Variants in RARB observed in about 807,000 individuals in gnomAD.
The protein encoded by RARB is HBV-activated protein.
RARB carries 17 observed loss-of-function variants against 51.9 expected under a neutral mutation model. The ratio of observed to expected loss-of-function variants is 0.33; its 90% CI spans 0.22 to 0.49. The LOEUF (loss-of-function observed/expected upper bound fraction) is 0.49, where lower values mean the gene tolerates loss of function less well. Among genes scored for constraint, RARB ranks in the 20% least tolerant of loss-of-function variants. The probability of loss-of-function intolerance (pLI) is 0.99; values close to 1 mark genes in which losing one functional copy is unlikely to be tolerated. For synonymous variants in RARB, 215 were observed against 195.4 expected (o/e 1.10, Z -0.84); for missense variants, 369 against 550.8 (o/e 0.67, Z 3.30).
In RARB at chr3:25,457,604, G is replaced by A. The variant is rs182497963; in HGVS notation, c.158-3589G>A. Among the ~76,000 whole-genome samples, 108 of 152,304 alleles carry A rather than the reference G, an allele frequency of 7.1e-4. 1 individual carries two copies. The highest frequency in any genetic ancestry group is 1.4e-3 in the Non-Finnish European group (97 of 68,032). ...AATGCTTTGGGATCTTTAATGTCCA[G>A]TAGACTTCCCGTTTTTTGTGTGCTT... On this transcript the variant is annotated intron_variant, in intron 1 of 7. Coordinates refer to ENST00000330688, the MANE Select transcript of RARB (RefSeq NM_000965.5).
intron 5 of RARB, among the ~76,000 whole-genome samples, chr3:25,213,928 A>G (rs1263615750): frequency 6.6e-6 from 1 of 152,220 alleles, no homozygotes; most frequent in South Asian, 2.1e-4. Flanking sequence ...TTATGAATGA[A>G]TATAGATTTT....
At chr3:25,177,183 AAT>A (rs1479582972) in intron 5 of RARB, among the ~76,000 whole-genome samples, 1 of 152,236 alleles carries the variant, frequency 6.6e-6, no homozygotes, top group East Asian at 1.9e-4. Flanking sequence ...AGCCACAATG[AAT>A]ATGACTCTGT....
At chr3:25,034,250 C>T (rs2125291514) in intron 2 of RARB, among the ~76,000 whole-genome samples, 1 of 152,260 alleles carries the variant, frequency 6.6e-6, no homozygotes, top group South Asian at 2.1e-4. Context: ...GTGGAGTTTG[C>T]AGTGAGTCAA....
At chr3:25,117,362 C>T (rs1699706066) in intron 3 of RARB, among the ~76,000 whole-genome samples, 1 of 152,148 alleles carries the variant, frequency 6.6e-6, no homozygotes, top group South Asian at 2.1e-4. Flanking sequence ...AGGAGCATGG[C>T]ACAAGAGGTT....
chr3:25,250,750 C>G (rs1601163), intron 5 of RARB, among the ~76,000 whole-genome samples: 2 of 151,618 alleles, frequency 1.3e-5, no homozygotes, highest in South Asian at 2.1e-4. Flanking sequence ...TAGGACTTGG[C>G]GGCTGTATGG....
intron 2 of RARB, among the ~76,000 whole-genome samples, chr3:25,490,852 CAG>C (rs1696697931): frequency 6.6e-6 from 1 of 152,106 alleles, no homozygotes; most frequent in Non-Finnish European, 1.5e-5. Flanking sequence ...ATTTAGAAAA[CAG>C]ATGTCTTTAG....
chr3:25,276,145 A>G (rs1703378364), intron 5 of RARB, among the ~76,000 whole-genome samples: 1 of 152,232 alleles, frequency 6.6e-6, no homozygotes, highest in African/African-American at 2.4e-5. Flanking sequence ...AAGCCTTAGA[A>G]TATGTGTGAA....
intron 5 of RARB, among the ~76,000 whole-genome samples, chr3:25,224,183 A>G (rs1026460431): frequency 1.3e-5 from 2 of 152,234 alleles, no homozygotes; most frequent in African/African-American, 4.8e-5. Flanking sequence ...ATAATTTTTA[A>G]TAGCCTATTA....
At position 25,368,999 on chromosome 3, in the gene RARB, G is replaced by A. The variant is rs73156077; in HGVS notation, c.179-92194G>A. ...AAATTACATATTTCAAATACTAGTG[G>A]CATTTTCTGTATAGGATATGTGAAA... On this transcript the variant is annotated intron_variant, in intron 5 of 11. Transcript: ENST00000383772. Among the ~76,000 whole-genome samples, 950 of 152,182 alleles carry A rather than the reference G, an allele frequency of 6.2e-3. 14 individuals are homozygous for A. The highest frequency in any genetic ancestry group is 0.021 in the African/African-American group (891 of 41,518).
rs369522473 is a variant in RARB, at chr3:25,147,615, T to C, written c.-280+15407T>C. 1.1e-3 allele frequency among the ~76,000 whole-genome samples: 172 copies of C among 152,352 alleles called. 6 individuals are homozygous for C. In the South Asian group the frequency reaches 0.035, roughly 31 times the overall value. On this transcript the variant is annotated intron_variant, in intron 4 of 11. Coordinates refer to the RARB transcript ENST00000383772. ...TAGGATCAGGAAGATTTTCCATTTC[T>C]TGAATACGGAGGATAAACATAAATT... is the stretch of plus-strand genomic sequence containing the variant.
At chr3:24,977,534 G>A (rs1696544677) in intron 2 of RARB, among the ~76,000 whole-genome samples, 1 of 152,126 alleles carries the variant, frequency 6.6e-6, no homozygotes, top group Non-Finnish European at 1.5e-5. Context: ...TTGTGAATGG[G>A]AGTTCACTCA....
intron 3 of RARB, among the ~76,000 whole-genome samples, chr3:25,552,605 G>C (rs1356769109): frequency 6.6e-6 from 1 of 152,084 alleles, no homozygotes; most frequent in Non-Finnish European, 1.5e-5. Flanking sequence ...TCTTAGTCTG[G>C]TTTCCTCTCT....
intron 1 of RARB, among the ~76,000 whole-genome samples, chr3:25,434,792 G>A (rs760063034): frequency 3.0e-4 from 45 of 151,506 alleles, no homozygotes; most frequent in Non-Finnish European, 6.0e-4. Flanking sequence ...TGCCCACCTC[G>A]GCCTCCCAAA....
chr3:25,269,033 A>G (rs1399411164), intron 5 of RARB, among the ~76,000 whole-genome samples: 1 of 152,168 alleles, frequency 6.6e-6, no homozygotes, highest in East Asian at 1.9e-4. Flanking sequence ...TTCTCTTCCA[A>G]TAGTATATAA....
chr3:25,183,175 T>C (rs750924780), intron 5 of RARB, among the ~76,000 whole-genome samples: 1 of 152,200 alleles, frequency 6.6e-6, no homozygotes, highest in Non-Finnish European at 1.5e-5. Context: ...TATCCATTAA[T>C]TTGTTTATTT....
intron 1 of RARB, among the ~76,000 whole-genome samples, chr3:24,846,377 A>T (rs1702485939): frequency 6.6e-6 from 1 of 152,212 alleles, no homozygotes; most frequent in South Asian, 2.1e-4. Context: ...CCATTCTTTA[A>T]AAAAATTCCA....
At chr3:25,591,741 T>A (rs75554259) in intron 5 of RARB, among the ~76,000 whole-genome samples, 2,937 of 152,314 alleles carry the variant, frequency 0.019, 80 homozygotes, top group African/African-American at 0.065. Flanking sequence ...CTCGGAGTTT[T>A]AACCAATAAG....
intron 5 of RARB, among the ~76,000 whole-genome samples, chr3:25,182,621 A>G (rs1369874): frequency 0.47 from 71,972 of 151,984 alleles, 17,780 homozygotes; most frequent in East Asian, 0.7. Context: ...CTCTGTGAGA[A>G]TTTTCTGGGT....
intron 3 of RARB, among the ~76,000 whole-genome samples, chr3:25,529,314 A>G (rs1377743629): frequency 6.6e-6 from 1 of 152,170 alleles, no homozygotes; most frequent in Non-Finnish European, 1.5e-5. Context: ...AACACTATTC[A>G]AATCAGCAAT....
Sources: gnomAD v4.1 joint callset for allele counts (sites outside exome capture counted in the v4.1 genomes callset) on GRCh38, gnomAD v4.1.1 for gene constraint, MANE v1.5 for transcripts, NCBI Gene and HGNC (gene_info 2026-07-23, HGNC 2026-07-21) for gene names.